NCALD: variants seen among roughly 807,000 people sequenced by gnomAD.
NCALD encodes neurocalcin-delta.
NCALD carries 10 observed loss-of-function variants against 18.6 expected under a neutral mutation model. That is an observed-to-expected ratio of 0.54 (90% CI 0.33 to 0.91). NCALD has a LOEUF of 0.91. Among genes scored for constraint, NCALD ranks in the 40% least tolerant of loss-of-function variants. NCALD has a pLI of 0.03. For synonymous variants in NCALD, 88 were observed against 87.4 expected, an observed-to-expected ratio of 1.01 and a Z score of -0.04; for missense variants, 184 against 247.6, an observed-to-expected ratio of 0.74 and a Z score of 1.72.
At chr8:101,976,985 T>C (rs1563500504) in intron 2 of NCALD, among the ~76,000 whole-genome samples, 1 of 152,134 alleles carries the variant, frequency 6.6e-6, no homozygotes, top group Non-Finnish European at 1.5e-5. Flanking sequence ...CCCCTGACCA[T>C]GCCTAGGAAA....
intron 4 of NCALD, among the ~76,000 whole-genome samples, chr8:101,854,169 C>G (rs965315871): frequency 6.6e-6 from 1 of 152,160 alleles, no homozygotes; most frequent in Non-Finnish European, 1.5e-5. Context: ...CCAACGAGGT[C>G]TCTCTGAGTT....
At chr8:102,011,151 A>G (rs1194842833) in intron 2 of NCALD, among the ~76,000 whole-genome samples, 1 of 152,128 alleles carries the variant, frequency 6.6e-6, no homozygotes, top group African/African-American at 2.4e-5. Flanking sequence ...TTTGACTTCT[A>G]CCCATCCACC....
At chr8:101,755,191 T>TA (rs1046041440) in intron 1 of NCALD, among the ~76,000 whole-genome samples, 1 of 152,230 alleles carries the variant, frequency 6.6e-6, no homozygotes, top group Admixed American at 6.5e-5. Flanking sequence ...TGTTCACAGT[T>TA]AAAGTCTTGA....
At chr8:102,087,989 GAA>G (rs34203133) in intron 1 of NCALD, among the ~76,000 whole-genome samples, 1 of 152,004 alleles carries the variant, frequency 6.6e-6, no homozygotes, top group Admixed American at 6.6e-5. Flanking sequence ...TGATTAATGG[GAA>G]AAAAAAGGAT....
At chr8:102,077,800 T>C (rs1424906466) in intron 1 of NCALD, among the ~76,000 whole-genome samples, 2 of 152,206 alleles carry the variant, frequency 1.3e-5, no homozygotes, top group Admixed American at 1.3e-4. Context: ...CCTGACTGGC[T>C]GCTGCTCCTC....
intron 2 of NCALD, among the ~76,000 whole-genome samples, chr8:101,920,543 A>G (rs1165119233): frequency 6.6e-6 from 1 of 152,230 alleles, no homozygotes; most frequent in Non-Finnish European, 1.5e-5. Flanking sequence ...AATACTATGC[A>G]GTCATAAAAA....
At chr8:102,106,444 A>AGT (rs1554598516) in intron 1 of NCALD, among the ~76,000 whole-genome samples, 2 of 84,132 alleles carry the variant, frequency 2.4e-5, no homozygotes, top group East Asian at 4.7e-4. Flanking sequence ...ATTAGCATAT[A>AGT]GTATATATAT....
intron 1 of NCALD, among the ~76,000 whole-genome samples, chr8:102,053,225 AG>A (rs1251827312): frequency 6.6e-6 from 1 of 152,214 alleles, no homozygotes; most frequent in East Asian, 1.9e-4. Context: ...GACCTAATGA[AG>A]AAATCTTGAT....
At position 101,729,318 on chromosome 8, in the gene NCALD, T is replaced by C. The variant is rs1816709478; in HGVS notation, c.-19-9670A>G. Among the ~76,000 whole-genome samples, 4 of 152,198 alleles carry C rather than the reference T, an allele frequency of 2.6e-5. No homozygotes were observed. In the South Asian group the frequency reaches 8.3e-4, roughly 32 times the overall value. On this transcript the variant is annotated intron_variant, in intron 1 of 3. Transcript: ENST00000220931. Reference sequence around the variant, plus strand: ...AAAGAGGGAGAATTAAAGAGTTATATAATAATCTCACTAACTTAGTCTTTA... The same window carrying C: ...AAAGAGGGAGAATTAAAGAGTTATACAATAATCTCACTAACTTAGTCTTTA...
intron 2 of NCALD, among the ~76,000 whole-genome samples, chr8:101,716,757 A>G (rs1816106172): frequency 6.6e-6 from 1 of 152,236 alleles, no homozygotes; most frequent in South Asian, 2.1e-4. Flanking sequence ...TTGAGATGGA[A>G]GGAAAAATTC....
At chr8:102,051,633 T>C (rs1823462843) in intron 1 of NCALD, among the ~76,000 whole-genome samples, 1 of 152,240 alleles carries the variant, frequency 6.6e-6, no homozygotes, top group Non-Finnish European at 1.5e-5. Flanking sequence ...GAATCTCAAA[T>C]ACATTCTGCT....
chr8:101,705,202 C>G (rs1412948152), intron 2 of NCALD, among the ~76,000 whole-genome samples: 1 of 145,992 alleles, frequency 6.8e-6, no homozygotes, highest in East Asian at 2.1e-4. Flanking sequence ...CCAGCCTGGG[C>G]AGCAGAGCAA....
chr8:102,109,087 TG>T (rs1825565666), intron 1 of NCALD, among the ~76,000 whole-genome samples: 1 of 152,236 alleles, frequency 6.6e-6, no homozygotes, highest in East Asian at 1.9e-4. Flanking sequence ...CACACTCCCA[TG>T]GCATCCTGAT....
In NCALD at chr8:101,687,081, C is replaced by T. The variant is rs1397535269; in HGVS notation, c.*2228G>A. On this transcript the variant is annotated 3_prime_UTR_variant, in exon 4 of 4. Coordinates refer to ENST00000220931, the MANE Select transcript of NCALD (RefSeq NM_032041.3). ...CATTCATCAGCCTGCATGTGGCTCA[C>T]TTTTCTTTCTGGAATAGCCGGAGAC... 5 of 152,230 alleles carry T rather than the reference C, an allele frequency of 3.3e-5. No individual in the cohort carries two copies. The highest frequency in any genetic ancestry group is 1.2e-4 in the African/African-American group (5 of 41,412). The allele number at this position is 152,230 out of a possible 1,614,324, so 9.4% of individuals were successfully genotyped here. A position where few individuals can be genotyped will look rare whatever the true frequency, so the allele number is the denominator to read the frequency against.
intron 2 of NCALD, among the ~76,000 whole-genome samples, chr8:101,954,215 T>C (rs190169587): frequency 8.5e-5 from 13 of 152,294 alleles, no homozygotes; most frequent in Non-Finnish European, 1.8e-4. Context: ...ATATTTTGGA[T>C]GGCAACTCAT....
At chr8:101,990,614 G>A (rs372057138) in intron 2 of NCALD, among the ~76,000 whole-genome samples, 1 of 152,254 alleles carries the variant, frequency 6.6e-6, no homozygotes, top group South Asian at 2.1e-4. Flanking sequence ...GGAGTTTCCT[G>A]CACAAGTTTT....
chr8:102,065,617 C>T (rs1429520761), intron 1 of NCALD, among the ~76,000 whole-genome samples: 1 of 152,130 alleles, frequency 6.6e-6, no homozygotes, highest in African/African-American at 2.4e-5. Context: ...TTTTAAACTC[C>T]CCAGGGCTAC....
chr8:101,693,956 G>C (rs1224563233), intron 2 of NCALD: 3 of 152,218 alleles, frequency 2.0e-5, no homozygotes, highest in Non-Finnish European at 4.4e-5. Context: ...TATGAGATCT[G>C]ATGGGCGAAA....
At chr8:101,690,759 TTA>T in intron 3 of NCALD, 2 of 985,460 alleles carry the variant, frequency 2.0e-6, no homozygotes, top group Non-Finnish European at 2.4e-6. Flanking sequence ...TGGCCATTTT[TTA>T]TGAGCCCAGC....
Sources: gnomAD v4.1 joint callset for allele counts (sites outside exome capture counted in the v4.1 genomes callset) on GRCh38, gnomAD v4.1.1 for gene constraint, MANE v1.5 for transcripts, NCBI Gene and HGNC (gene_info 2026-07-23, HGNC 2026-07-21) for gene names.